The following PARN variants were observed in gnomAD, a reference collection of about 807,000 sequenced individuals.
The protein encoded by PARN is poly(A)-specific ribonuclease.
A neutral mutation model predicts 102.8 loss-of-function variants in PARN; 71 were observed. The ratio of observed to expected loss-of-function variants is 0.69; its 90% CI spans 0.57 to 0.84. The LOEUF (loss-of-function observed/expected upper bound fraction) is 0.84, where lower values mean the gene tolerates loss of function less well. Among genes scored for constraint, PARN ranks in the 40% least tolerant of loss-of-function variants. The probability of loss-of-function intolerance (pLI) is 0.00; values close to 1 mark genes in which losing one functional copy is unlikely to be tolerated. For missense variants in PARN, 782 were observed against 760.9 expected, an observed-to-expected ratio of 1.03 and a Z score of -0.33; for synonymous variants, 261 against 252.9, an observed-to-expected ratio of 1.03 and a Z score of -0.30.
chr16:14,559,510 TG>T (rs1967921207), intron 18 of PARN, among the ~76,000 whole-genome samples: 3 of 152,116 alleles, frequency 2.0e-5, no homozygotes, highest in Non-Finnish European at 4.4e-5. Context: ...AAGCACATCA[TG>T]GAGAATGCAG....
chr16:14,609,182 A>G (rs1971369514), intron 7 of PARN, 59 bp from the exon 8 acceptor site: 1 of 807,326 alleles, frequency 1.2e-6, no homozygotes, highest in Non-Finnish European at 2.0e-6. Flanking sequence ...GTCATCAACC[A>G]AGAAAATAAT....
chr16:14,606,066 T>A (rs1249103136), intron 10 of PARN, among the ~76,000 whole-genome samples: 1 of 152,114 alleles, frequency 6.6e-6, no homozygotes, highest in African/African-American at 2.4e-5. Context: ...CTAGGTTACC[T>A]AGCTCATAAC....
At chr16:14,496,239 C>T (rs956193617) in intron 21 of PARN, among the ~76,000 whole-genome samples, 1 of 152,182 alleles carries the variant, frequency 6.6e-6, no homozygotes, top group African/African-American at 2.4e-5. Context: ...CAACTTTAAC[C>T]TGCCCCTCAA....
At chr16:14,575,873 G>C (rs1452144748) in intron 18 of PARN, among the ~76,000 whole-genome samples, 1 of 152,154 alleles carries the variant, frequency 6.6e-6, no homozygotes, top group African/African-American at 2.4e-5. Flanking sequence ...CCCGGTGGGA[G>C]GTGATACAAT....
In PARN at chr16:14,593,492, T is replaced by TAAAAAA. The variant is rs35329440; in HGVS notation, c.841-120_841-115dup. The TAAAAAA allele has an allele frequency of 1.1e-3, 34 of 31,796 alleles. 2 individuals carry two copies. Among genetic ancestry groups the TAAAAAA allele is most frequent in the Non-Finnish European group, 1.4e-3 (26 of 18,560 alleles). The allele number at this position is 31,796 out of a possible 1,614,324, so 2.0% of individuals were successfully genotyped here. On this transcript the variant is annotated intron_variant, in intron 12 of 23. Coordinates refer to ENST00000437198, the MANE Select transcript of PARN (RefSeq NM_002582.4). The stretch of plus-strand genomic sequence containing the variant: ...TTGTACTAAACTCGCTTTCCAGACT[T>TAAAAAA]AAAAAAAAAAAAAAAAAAAAAAAAA...
intron 23 of PARN, among the ~76,000 whole-genome samples, chr16:14,438,448 G>C (rs1027360189): frequency 2.0e-5 from 3 of 150,242 alleles, no homozygotes; most frequent in African/African-American, 7.4e-5. Context: ...AGTTGGGGGG[G>C]GGGGTGTGTG....
rs772896503 is a variant in PARN at position 14,585,980 on chromosome 16, C to CTTTTTTTTTTTT, written c.962+326_962+337dup. ...TTGTATTGTGTATGTCACAATGACT[C>CTTTTTTTTTTTT]TTTTTTTTTTTTTTTTTTTTGAGAC... is the stretch of plus-strand genomic sequence containing the variant. On this transcript the variant is annotated intron_variant, in intron 14 of 23. Transcript: ENST00000437198. Among the ~76,000 whole-genome samples, 3 of 127,240 alleles carry CTTTTTTTTTTTT rather than the reference C, an allele frequency of 2.4e-5. 1 individual carries two copies. Among genetic ancestry groups the CTTTTTTTTTTTT allele is most frequent in the Non-Finnish European group, 1.7e-5 (1 of 59,980 alleles). The allele number at this position is 127,240 out of a possible 152,430, so 83.5% of individuals were successfully genotyped here. A position where few individuals can be genotyped will look rare whatever the true frequency, so the allele number is the denominator to read the frequency against.
At chr16:14,626,214 TAC>T (rs1972649452) in intron 5 of PARN, among the ~76,000 whole-genome samples, 2 of 152,214 alleles carry the variant, frequency 1.3e-5, no homozygotes, top group Non-Finnish European at 2.9e-5. Context: ...GATACACACA[TAC>T]TCTGCTTTTC....
At chr16:14,622,731 C>A (rs140801601) in intron 5 of PARN, among the ~76,000 whole-genome samples, 2 of 152,350 alleles carry the variant, frequency 1.3e-5, no homozygotes, top group Admixed American at 6.5e-5. Context: ...TGGTCTTAAT[C>A]TCCTGACCTC....
chr16:14,477,011 A>C (rs1963088961), intron 22 of PARN, among the ~76,000 whole-genome samples: 1 of 152,248 alleles, frequency 6.6e-6, no homozygotes, highest in African/African-American at 2.4e-5. Flanking sequence ...CCTCAACATT[A>C]ATTCAATATA....
chr16:14,438,683 T>G (rs1357362804), intron 23 of PARN, among the ~76,000 whole-genome samples: 1 of 152,232 alleles, frequency 6.6e-6, no homozygotes, highest in African/African-American at 2.4e-5. Context: ...AAGTTTTTAA[T>G]GAACGCTAGG....
At chr16:14,556,129 C>T (rs978447594) in intron 18 of PARN, among the ~76,000 whole-genome samples, 3 of 150,908 alleles carry the variant, frequency 2.0e-5, no homozygotes, top group Non-Finnish European at 2.9e-5. Context: ...GCCACCACAT[C>T]TGGCTTTATA....
chr16:14,545,137 G>A (rs988799024), intron 21 of PARN, among the ~76,000 whole-genome samples: 2 of 152,102 alleles, frequency 1.3e-5, no homozygotes, highest in African/African-American at 2.4e-5. Context: ...ACAGTGAGCC[G>A]AGATCATACT....
At chr16:14,448,841 C>A (rs1488241631) in intron 22 of PARN, among the ~76,000 whole-genome samples, 1 of 152,138 alleles carries the variant, frequency 6.6e-6, no homozygotes, top group Non-Finnish European at 1.5e-5. Flanking sequence ...TTTTTCATTT[C>A]TATTATAGAC....
intron 21 of PARN, among the ~76,000 whole-genome samples, chr16:14,529,214 G>A (rs1409343840): frequency 1.3e-5 from 2 of 152,230 alleles, no homozygotes; most frequent in African/African-American, 4.8e-5. Context: ...GAATCCGAAT[G>A]CTAAGTCTGT....
chr16:14,486,244 A>G (rs936777700), intron 21 of PARN, among the ~76,000 whole-genome samples: 2 of 152,114 alleles, frequency 1.3e-5, no homozygotes, highest in Admixed American at 6.5e-5. Flanking sequence ...GCTTCAGACT[A>G]TAGTCTCAGT....
chr16:14,622,846 G>C (rs1488787918), intron 5 of PARN, among the ~76,000 whole-genome samples: 1 of 152,170 alleles, frequency 6.6e-6, no homozygotes. Flanking sequence ...GTACGTGCTT[G>C]TAATCCCAGC....
chr16:14,509,995 C>T (rs1467371383), intron 21 of PARN, among the ~76,000 whole-genome samples: 3 of 152,006 alleles, frequency 2.0e-5, no homozygotes, highest in Non-Finnish European at 4.4e-5. Flanking sequence ...AAATCCTCAC[C>T]CAGAGCAAAC....
At chr16:14,495,099 G>A (rs764624184) in intron 21 of PARN, among the ~76,000 whole-genome samples, 16 of 152,246 alleles carry the variant, frequency 1.1e-4, no homozygotes, top group South Asian at 2.1e-4. Context: ...TTTAATCCTC[G>A]TATGGATGGG....
Sources: allele counts gnomAD v4.1 joint callset (sites outside exome capture counted in the v4.1 genomes callset), GRCh38; gene constraint gnomAD v4.1.1; transcripts MANE v1.5; gene names NCBI Gene and HGNC (gene_info 2026-07-23, HGNC 2026-07-21).